Variants in TMPRSS11A observed in about 807,000 individuals in gnomAD.
TMPRSS11A encodes the protein transmembrane serine protease 11A.
A neutral mutation model predicts 58.9 loss-of-function variants in TMPRSS11A; 53 were observed. The observed-to-expected ratio is 0.90, with a 90% CI of 0.72 to 1.13. The LOEUF is 1.13. Ranked by LOEUF, TMPRSS11A falls within the 50% of genes most tolerant of loss-of-function variation. The pLI, the probability that TMPRSS11A is intolerant of heterozygous loss-of-function variation, is 0.00. For synonymous variants in TMPRSS11A, 167 were observed against 169.8 expected, an observed-to-expected ratio of 0.98 and a Z score of 0.13; for missense variants, 493 against 499.3, an observed-to-expected ratio of 0.99 and a Z score of 0.12.
chr4:67,914,520 C>T (rs1720093062), intron 9 of TMPRSS11A, 68 bp downstream of exon 9: 1 of 1,430,226 alleles, frequency 7.0e-7, no homozygotes, highest in Admixed American at 1.8e-5. Flanking sequence ...ATGTAAAGAA[C>T]ATATAATATA....
intron 4 of TMPRSS11A, among the ~76,000 whole-genome samples, chr4:67,930,829 T>TTTTTTTTTTTA (rs1265700805): frequency 1.0e-4 from 9 of 90,156 alleles, no homozygotes; most frequent in Non-Finnish European, 1.7e-4. Context: ...TTTTTTTTTT[T>TTTTTTTTTTTA]ACAAAAAAAA....
intron 1 of TMPRSS11A, among the ~76,000 whole-genome samples, chr4:67,950,215 T>A (rs564020878): frequency 6.6e-6 from 1 of 152,316 alleles, no homozygotes; most frequent in African/African-American, 2.4e-5. Context: ...ATCTGAAATT[T>A]GTGATCCTCT....
chr4:67,933,136 G>C (rs957541974), intron 3 of TMPRSS11A, among the ~76,000 whole-genome samples: 1 of 151,892 alleles, frequency 6.6e-6, no homozygotes. Context: ...CACAAATATA[G>C]GGAAAGCTGT....
rs181908406 is a variant in TMPRSS11A, at chr4:67,955,415, C to T, written c.11+7968G>A. The stretch of plus-strand genomic sequence containing the variant: ...CATGTTTTGGCACTAGGTACAGTAT[C>T]ACCTATTAAAGTTTGTACGATATGG... On this transcript the variant is annotated intron_variant, in intron 1 of 9. Coordinates refer to ENST00000508048, the MANE Select transcript of TMPRSS11A (RefSeq NM_001114387.2). 7.9e-5 allele frequency among the ~76,000 whole-genome samples: 12 copies of T among 152,240 alleles called. No homozygotes were observed. In the East Asian group the frequency reaches 2.1e-3, roughly 27 times the overall value.
intron 5 of TMPRSS11A, among the ~76,000 whole-genome samples, chr4:67,926,773 G>T (rs543513235): frequency 6.6e-6 from 1 of 152,320 alleles, no homozygotes; most frequent in Non-Finnish European, 1.5e-5. Flanking sequence ...CCCACTGGTG[G>T]GGGAGCAGCT....
In TMPRSS11A at chr4:67,950,612, A is replaced by G. The variant is rs181870784; in HGVS notation, c.12-4041T>C. 1.5e-3 allele frequency among the ~76,000 whole-genome samples: 226 copies of G among 152,236 alleles called. 2 individuals are homozygous for G. Among genetic ancestry groups the G allele is most frequent in the African/African-American group, 4.9e-3 (205 of 41,560 alleles). On this transcript the variant is annotated intron_variant, in intron 1 of 9. Transcript: ENST00000508048. ...AAGTCTATGTACACCGGAGGGGGGA[A>G]TCTTGGGGGCCCTCTTAGAATTCTG...
intron 3 of TMPRSS11A, among the ~76,000 whole-genome samples, chr4:67,941,675 A>C (rs541208968): frequency 6.6e-6 from 1 of 152,326 alleles, no homozygotes; most frequent in Admixed American, 6.5e-5. Flanking sequence ...TATATTCAAA[A>C]ACTGGCTCAC....
intron 1 of TMPRSS11A, among the ~76,000 whole-genome samples, chr4:67,952,045 A>T (rs910907462): frequency 6.6e-6 from 1 of 152,056 alleles, no homozygotes; most frequent in Non-Finnish European, 1.5e-5. Flanking sequence ...GTATGCTATG[A>T]CTCTTTTAGA....
chr4:67,948,454 G>T (rs903774127), intron 1 of TMPRSS11A, among the ~76,000 whole-genome samples: 1 of 151,982 alleles, frequency 6.6e-6, no homozygotes, highest in Non-Finnish European at 1.5e-5. Context: ...CACTGCACCC[G>T]GTCTTACAAA....
chr4:67,963,299 T>C lies in TMPRSS11A; in HGVS notation c.11+84A>G, dbSNP rs376621095. 3.6e-5 allele frequency: 52 copies of C among 1,427,780 alleles called. No individual in the cohort carries two copies. The African/African-American group carries it at 7.2e-4, about 20-fold the overall frequency. 88.4% of individuals were successfully genotyped at this position (1,427,780 alleles called of 1,614,324 possible). On this transcript the variant is annotated intron_variant, in intron 1 of 9. Transcript: ENST00000508048. The stretch of plus-strand genomic sequence containing the variant: ...ATTGAATCCACCAAAGACACCTCAC[T>C]AGCAGTCCTCTTACACATCAGGAAT...
In TMPRSS11A at chr4:67,911,304, C is replaced by T. The variant is rs368829002; in HGVS notation, c.*38G>A. 5.6e-6 allele frequency: 9 copies of T among 1,600,380 alleles called. No homozygotes were observed. Among genetic ancestry groups the T allele is most frequent in the Non-Finnish European group, 6.8e-6 (8 of 1,169,970 alleles). ...TAGTTGAATTCTCATGCATATATGA[C>T]CTGCATACAGCTTTCTTTGTTTAAC... On this transcript the variant is annotated 3_prime_UTR_variant, in exon 10 of 10. Coordinates refer to ENST00000508048, the MANE Select transcript of TMPRSS11A (RefSeq NM_001114387.2).
rs751247180 is a variant in TMPRSS11A at position 67,919,128 on chromosome 4, G to C, written c.797C>G (p.Ser266Cys). 9.9e-6 allele frequency: 16 copies of C among 1,614,098 alleles called. No individual in the cohort carries two copies. Among genetic ancestry groups the C allele is most frequent in the Non-Finnish European group, 1.2e-5 (14 of 1,180,044 alleles). The change falls in exon 8 of 10, where the codon TCT becomes TGT. Residue 266 changes from serine to cysteine, a missense_variant. Coordinates refer to ENST00000508048, the MANE Select transcript of TMPRSS11A (RefSeq NM_001114387.2). ...RRFIIHEKYR[S>C]AAREYDIAVV... ...AGCAATGTCGTACTCTCTTGCTGCA[G>C]AGCGGTACTTCTCATGGATAATAAA... is the stretch of plus-strand genomic sequence containing the variant.
chr4:67,927,730 G>A (rs1720511583), intron 5 of TMPRSS11A, among the ~76,000 whole-genome samples: 1 of 152,202 alleles, frequency 6.6e-6, no homozygotes, highest in Admixed American at 6.5e-5. Flanking sequence ...AACAAACACT[G>A]TTCTTTCTAC....
chr4:67,942,731 G>A (rs904961515), intron 3 of TMPRSS11A, among the ~76,000 whole-genome samples: 1 of 152,124 alleles, frequency 6.6e-6, no homozygotes, highest in Non-Finnish European at 1.5e-5. Context: ...TCTGCTTGCA[G>A]AAGTACTTGC....
intron 3 of TMPRSS11A, among the ~76,000 whole-genome samples, chr4:67,943,991 T>A (rs1310036740): frequency 2.0e-5 from 3 of 152,212 alleles, no homozygotes; most frequent in African/African-American, 7.2e-5. Flanking sequence ...TTTTTCTTTT[T>A]GGGAGCAGTC....
intron 1 of TMPRSS11A, among the ~76,000 whole-genome samples, chr4:67,947,458 C>G (rs1721049093): frequency 6.6e-6 from 1 of 152,184 alleles, no homozygotes; most frequent in Non-Finnish European, 1.5e-5. Flanking sequence ...GAATATCTTA[C>G]TTTCTGGACT....
intron 1 of TMPRSS11A, among the ~76,000 whole-genome samples, chr4:67,963,076 A>C (rs1721476795): frequency 6.6e-6 from 1 of 152,232 alleles, no homozygotes; most frequent in South Asian, 2.1e-4. Flanking sequence ...CTCCTTCCAC[A>C]CACACAAAAA....
intron 7 of TMPRSS11A, among the ~76,000 whole-genome samples, chr4:67,921,524 G>T (rs1380697166): frequency 2.6e-5 from 4 of 151,984 alleles, no homozygotes; most frequent in Admixed American, 6.6e-5. Context: ...GCCCAAGCTG[G>T]TCTTGAACTC....
At chr4:67,933,630 G>A (rs999046112) in intron 3 of TMPRSS11A, among the ~76,000 whole-genome samples, 9 of 152,078 alleles carry the variant, frequency 5.9e-5, no homozygotes, top group East Asian at 3.9e-4. Context: ...TAGCTGAGGT[G>A]GTGTGGGGTT....
Sources: allele counts gnomAD v4.1 joint callset (sites outside exome capture counted in the v4.1 genomes callset), GRCh38; gene constraint gnomAD v4.1.1; transcripts MANE v1.5; gene names NCBI Gene and HGNC (gene_info 2026-07-23, HGNC 2026-07-21).